The following DLGAP5 variants were observed in gnomAD, a reference collection of about 807,000 sequenced individuals.
DLGAP5 encodes the protein DLG associated protein 5.
DLGAP5 carries 90 observed loss-of-function variants against 99.6 expected under a neutral mutation model. The ratio of observed to expected loss-of-function variants is 0.90; its 90% CI spans 0.76 to 1.08. The LOEUF is 1.08. DLGAP5 is among the 50% of genes least tolerant of loss of function. The probability of loss-of-function intolerance (pLI) is 0.00; values close to 1 mark genes in which losing one functional copy is unlikely to be tolerated. For synonymous variants in DLGAP5, 311 were observed against 321.3 expected, an observed-to-expected ratio of 0.97 and a Z score of 0.34; for missense variants, 1,036 against 983.5, an observed-to-expected ratio of 1.05 and a Z score of -0.71.
intron 16 of DLGAP5, among the ~76,000 whole-genome samples, 153 bp downstream of exon 16, chr14:55,152,437 C>T (rs1882051229): frequency 6.6e-6 from 1 of 152,198 alleles, no homozygotes; most frequent in Admixed American, 6.5e-5. Context: ...TGGTTTTAAA[C>T]AACCCAAATG....
At chr14:55,148,749 A>T in intron 18 of DLGAP5, 1 of 482,182 alleles carries the variant, frequency 2.1e-6, no homozygotes, top group Non-Finnish European at 3.7e-6. Context: ...ATTATAAACA[A>T]CAATGATTAT....
At position 55,180,698 on chromosome 14, in the gene DLGAP5, A is replaced by T. The variant is rs1199227266; in HGVS notation, c.661T>A (p.Ser221Thr). 6.2e-7 allele frequency: 1 copy of T among 1,614,062 alleles called. No homozygotes were observed. The highest frequency in any genetic ancestry group is 8.5e-7 in the Non-Finnish European group (1 of 1,180,038). The change falls in exon 6 of 19, where the codon TCA becomes ACA. Residue 221 changes from serine to threonine, a missense_variant. Physicochemically the swap from Ser to Thr is moderately conservative, Grantham distance 58. Coordinates refer to ENST00000247191, the MANE Select transcript of DLGAP5 (RefSeq NM_014750.5). ...QAAKQVPRTVSSTTARKPVTR... is the reference protein window; with the variant it reads ...QAAKQVPRTVTSTTARKPVTR... ...ACTGGCTTTCTTGCTGTGGTAGATG[A>T]GACTGTTCTGGGAACCTGCTTTGCT...
At chr14:55,168,471 T>C (rs1197027575) in intron 12 of DLGAP5, among the ~76,000 whole-genome samples, 2 of 152,206 alleles carry the variant, frequency 1.3e-5, no homozygotes, top group African/African-American at 4.8e-5. Flanking sequence ...CCTTTTTCTT[T>C]TAGGTTTGAA....
intron 10 of DLGAP5, among the ~76,000 whole-genome samples, chr14:55,172,528 A>C (rs1008122067): frequency 2.6e-5 from 4 of 152,082 alleles, no homozygotes; most frequent in African/African-American, 9.7e-5. Flanking sequence ...CCAGCTCCTC[A>C]GGAGGCTGAG....
intron 2 of DLGAP5, among the ~76,000 whole-genome samples, chr14:55,185,697 T>C (rs1188337505): frequency 6.6e-6 from 1 of 152,044 alleles, no homozygotes; most frequent in East Asian, 1.9e-4. Context: ...TTGGACAGGC[T>C]GGTCTTGAAC....
At chr14:55,175,288 G>C in intron 10 of DLGAP5, 58 bp downstream of exon 10, 1 of 1,518,716 alleles carries the variant, frequency 6.6e-7, no homozygotes, top group Non-Finnish European at 8.9e-7. Context: ...TTTTAGTTTT[G>C]GTTTTAAATG....
At chr14:55,151,621 T>C (rs1280984623) in intron 17 of DLGAP5, 74 bp downstream of exon 17, 3 of 1,441,330 alleles carry the variant, frequency 2.1e-6, no homozygotes, top group African/African-American at 1.4e-5. Context: ...ATGGACCTTA[T>C]AGGATAATTT....
chr14:55,184,651 G>A (rs954973126), intron 2 of DLGAP5, among the ~76,000 whole-genome samples: 1 of 152,100 alleles, frequency 6.6e-6, no homozygotes, highest in Non-Finnish European at 1.5e-5. Context: ...CGCTTGCTCT[G>A]GGAGAAGCCA....
intron 10 of DLGAP5, among the ~76,000 whole-genome samples, chr14:55,172,981 C>CA (rs71291818): frequency 0.33 from 20,646 of 62,048 alleles, 3,931 homozygotes; most frequent in Non-Finnish European, 0.41. Context: ...GACTCCGTCT[C>CA]AAAAAAAAAA....
rs1357054658 is a variant in DLGAP5 at position 55,150,842 on chromosome 14, A to C, written c.2375T>G (p.Phe792Cys). The C allele has an allele frequency of 1.3e-6, 2 of 1,578,070 alleles. No homozygotes were observed. The highest frequency in any genetic ancestry group is 1.7e-4 in the Middle Eastern group (1 of 5,946). The change falls in exon 18 of 19, where the codon TTT becomes TGT. Residue 792 changes from phenylalanine (F) to cysteine (C), a missense_variant. Transcript: ENST00000247191. ...TTCAGTAGTGAGACTTTTATTATCA[A>C]ATAGTTCTGAAAAACAACAAAAAAA... ...GETKISQSEL[F>C]DNKSLTTECH...
chr14:55,173,933 C>T (rs889098975), intron 10 of DLGAP5, among the ~76,000 whole-genome samples: 1 of 152,098 alleles, frequency 6.6e-6, no homozygotes, highest in Non-Finnish European at 1.5e-5. Context: ...ACAAATTGTA[C>T]AGCATGTGTG....
rs779415859 is a variant in DLGAP5 at position 55,179,694 on chromosome 14, C to T, written c.709G>A (p.Glu237Lys). Reference sequence around the variant, plus strand: ...TTACTTGGCACCTTTCCTTCTGGTTCGTTTTCTAAAACAACAATAAAATAT... The same window carrying T: ...TTACTTGGCACCTTTCCTTCTGGTTTGTTTTCTAAAACAACAATAAAATAT... The part of the protein sequence containing the change: ...KPVTRAANEN[E>K]PEGKVPSKGR... The change falls in exon 7 of 19, where the codon GAA (glutamate) becomes AAA (lysine). Residue 237 changes from glutamate (E) to lysine (K), a missense_variant. Glu to Lys is a moderately conservative substitution (Grantham distance 56). Transcript: ENST00000247191. The T allele has an allele frequency of 2.1e-5, 33 of 1,607,596 alleles. No homozygotes were observed. Among genetic ancestry groups the T allele is most frequent in the South Asian group, 6.7e-5 (6 of 89,170 alleles).
intron 6 of DLGAP5, 140 bp from the exon 7 acceptor site, chr14:55,179,839 G>T: frequency 1.5e-6 from 1 of 657,262 alleles, no homozygotes; most frequent in Admixed American, 3.3e-5. Flanking sequence ...TTATAAAAAG[G>T]GTTATGGAAT....
At chr14:55,155,322 G>A (rs1423086402) in intron 14 of DLGAP5, among the ~76,000 whole-genome samples, 4 of 150,576 alleles carry the variant, frequency 2.7e-5, no homozygotes, top group Non-Finnish European at 4.4e-5. Context: ...ACTGCGCCAG[G>A]CCTGAACAGA....
intron 14 of DLGAP5, among the ~76,000 whole-genome samples, chr14:55,156,681 G>C (rs79503407): frequency 6.6e-6 from 1 of 152,106 alleles, no homozygotes; most frequent in Non-Finnish European, 1.5e-5. Flanking sequence ...CCAGATTCCC[G>C]AGGAAAGCCT....
intron 14 of DLGAP5, among the ~76,000 whole-genome samples, chr14:55,156,142 C>A (rs1171084038): frequency 6.6e-6 from 1 of 151,448 alleles, no homozygotes. Context: ...TACCACATAA[C>A]CCCTCAAAAG....
chr14:55,154,565 G>T, intron 15 of DLGAP5, 52 bp downstream of exon 15: 1 of 1,420,144 alleles, frequency 7.0e-7, no homozygotes, highest in African/African-American at 1.4e-5. Flanking sequence ...AATCTGAAAT[G>T]GTATTTAGTA....
intron 12 of DLGAP5, among the ~76,000 whole-genome samples, chr14:55,166,856 A>G (rs1459495481): frequency 1.3e-5 from 2 of 151,368 alleles, no homozygotes; most frequent in African/African-American, 4.9e-5. Flanking sequence ...TGTAAATTAT[A>G]CCTCATATAG....
intron 10 of DLGAP5, among the ~76,000 whole-genome samples, chr14:55,173,587 GTC>G (rs10658555): frequency 0.016 from 2,344 of 147,926 alleles, 64 homozygotes; most frequent in African/African-American, 0.057. Flanking sequence ...GATATATGTT[GTC>G]TCTCTCTCTC....
Sources: allele counts gnomAD v4.1 joint callset (sites outside exome capture counted in the v4.1 genomes callset), GRCh38; gene constraint gnomAD v4.1.1; transcripts MANE v1.5; gene names NCBI Gene and HGNC (gene_info 2026-07-23, HGNC 2026-07-21).